Variants in CEP85L observed in about 807,000 individuals in gnomAD.
CEP85L encodes centrosomal protein of 85 kDa-like.
In CEP85L, 60 loss-of-function variants were observed where a neutral mutation model predicts 100.3. The observed-to-expected ratio is 0.60, with a 90% CI of 0.49 to 0.74. The LOEUF (loss-of-function observed/expected upper bound fraction) is 0.74, where lower values mean the gene tolerates loss of function less well. Among genes scored for constraint, CEP85L ranks in the 30% least tolerant of loss-of-function variants. The pLI is 0.00. For missense variants in CEP85L, 973 were observed against 936.2 expected, an observed-to-expected ratio of 1.04 and a Z score of -0.51; for synonymous variants, 319 against 322.7, an observed-to-expected ratio of 0.99 and a Z score of 0.12.
intron 2 of CEP85L, among the ~76,000 whole-genome samples, chr6:118,567,239 GTGTGTGTGTGTATATATATATATA>G (rs1316182421): frequency 0.13 from 6,903 of 52,940 alleles, 160 homozygotes; most frequent in East Asian, 0.24. Flanking sequence ...GTGTGTGTGT[GTGTGTGTGTGTATATATATATATA>G]TATATATATA....
rs1394061651 is a variant in CEP85L at position 118,567,243 on chromosome 6, GTGTGTGTATATATATATATATATA to G, written c.233-951_233-928del. Among the ~76,000 whole-genome samples the G allele has an allele frequency of 2.9e-4, 9 of 31,364 alleles. No homozygotes were observed. In the South Asian group the frequency reaches 5.4e-3, roughly 19 times the overall value. 20.6% of individuals were successfully genotyped at this position (31,364 alleles called of 152,430 possible). A position where few individuals can be genotyped will look rare whatever the true frequency, so the allele number is the denominator to read the frequency against. On this transcript the variant is annotated intron_variant, in intron 2 of 12. Transcript: ENST00000368491. Reference sequence around the variant, plus strand: ...TGTGTGTGTGTGTGTGTGTGTGTGTGTGTGTGTATATATATATATATATATATATATATATATATATATATCCAT... The same window carrying G: ...TGTGTGTGTGTGTGTGTGTGTGTGTGTATATATATATATATATATATCCAT...
At chr6:118,506,912 CT>C (rs770982977) in intron 5 of CEP85L, among the ~76,000 whole-genome samples, 72 of 152,264 alleles carry the variant, frequency 4.7e-4, no homozygotes, top group Non-Finnish European at 6.6e-4. Flanking sequence ...CCTCAGGCTC[CT>C]TCACAAGTTG....
intron 4 of CEP85L, among the ~76,000 whole-genome samples, chr6:118,513,470 T>C (rs1418902126): frequency 6.6e-6 from 1 of 151,864 alleles, no homozygotes; most frequent in African/African-American, 2.4e-5. Context: ...AAAAGATAAA[T>C]CCATTCAAGG....
At chr6:118,541,837 CAG>C (rs71733590) in intron 3 of CEP85L, among the ~76,000 whole-genome samples, 25,056 of 152,084 alleles carry the variant, frequency 0.16, 2,192 homozygotes, top group Non-Finnish European at 0.19. Context: ...TTTACTAATT[CAG>C]AGTTTAATTC....
At chr6:118,544,327 G>A (rs1008193622) in intron 3 of CEP85L, among the ~76,000 whole-genome samples, 47 of 152,148 alleles carry the variant, frequency 3.1e-4, no homozygotes, top group African/African-American at 1.1e-3. Context: ...GGTTCTGTCC[G>A]TTTCCTTTGT....
chr6:118,565,477 T>G lies in CEP85L; in HGVS notation c.1020+52A>C, dbSNP rs769149322. On this transcript the variant is annotated intron_variant, in intron 3 of 12. Transcript: ENST00000368491. ...TATATGCTTACTGTAAGTGTGCTAC[T>G]GTACTCATAACATCCACTGGAGGGA... The G allele has an allele frequency of 2.0e-6, 3 of 1,517,934 alleles. No individual in the cohort carries two copies. The Admixed American group carries it at 5.1e-5, about 26-fold the overall frequency. 94.0% of individuals were successfully genotyped at this position (1,517,934 alleles called of 1,614,324 possible).
At chr6:118,508,071 G>A (rs1349132586) in intron 5 of CEP85L, among the ~76,000 whole-genome samples, 1 of 152,046 alleles carries the variant, frequency 6.6e-6, no homozygotes, top group Non-Finnish European at 1.5e-5. Context: ...CTCTCTGTAG[G>A]GTTTAAGTTC....
At chr6:118,504,461 C>T (rs1200354905) in intron 5 of CEP85L, among the ~76,000 whole-genome samples, 1 of 152,086 alleles carries the variant, frequency 6.6e-6, no homozygotes, top group East Asian at 1.9e-4. Context: ...AACTTCTAGA[C>T]AGCTGAATAT....
intron 12 of CEP85L, among the ~76,000 whole-genome samples, chr6:118,465,998 AATAC>A (rs774850380): frequency 4.6e-4 from 70 of 152,256 alleles, no homozygotes; most frequent in Non-Finnish European, 7.9e-4. Context: ...TTAATTTTCA[AATAC>A]ATAGTAAGTG....
At chr6:118,641,011 G>C (rs945439989) in intron 1 of CEP85L, among the ~76,000 whole-genome samples, 4 of 152,114 alleles carry the variant, frequency 2.6e-5, no homozygotes, top group African/African-American at 9.7e-5. Context: ...TTTCTGTACT[G>C]AGTCAACATT....
intron 2 of CEP85L, among the ~76,000 whole-genome samples, chr6:118,624,953 A>C (rs1479949412): frequency 2.0e-5 from 3 of 152,248 alleles, no homozygotes; most frequent in African/African-American, 7.2e-5. Context: ...ATTCACAGGA[A>C]TGCAGGAGGC....
At chr6:118,636,045 GTCTCAACTAGCCAAT>G (rs1774472957) in intron 1 of CEP85L, among the ~76,000 whole-genome samples, 1 of 152,138 alleles carries the variant, frequency 6.6e-6, no homozygotes. Context: ...CTCAATCTCC[GTCTCAACTAGCCAAT>G]TCTGCCACTG....
At chr6:118,669,445 C>T (rs1391080679) in intron 1 of CEP85L, among the ~76,000 whole-genome samples, 2 of 151,960 alleles carry the variant, frequency 1.3e-5, no homozygotes, top group African/African-American at 4.8e-5. Flanking sequence ...TACCCACCCC[C>T]TTGCCCTTCC....
rs1781670938 is a variant in CEP85L at position 118,600,297 on chromosome 6, GGGGGTGTGTGTGTGT to G, written c.232+32141_232+32155del. On this transcript the variant is annotated intron_variant, in intron 2 of 12. Coordinates refer to ENST00000368491, the MANE Select transcript of CEP85L (RefSeq NM_001042475.3). ...GTACTGCCTGTCCCTGAGCCTTCCTGGGGGTGTGTGTGTGTGTGTGTGTGTGTGTGTGTGTGTGTG... is the reference window on the plus strand; with the variant it reads ...GTACTGCCTGTCCCTGAGCCTTCCTGGTGTGTGTGTGTGTGTGTGTGTGTG... 2.0e-4 allele frequency among the ~76,000 whole-genome samples: 12 copies of G among 61,296 alleles called. 1 individual carries two copies. The highest frequency in any genetic ancestry group is 7.2e-4 in the African/African-American group (11 of 15,270). 40.2% of individuals were successfully genotyped at this position (61,296 alleles called of 152,430 possible).
At chr6:118,611,531 G>A (rs1372778517) in intron 2 of CEP85L, among the ~76,000 whole-genome samples, 2 of 152,078 alleles carry the variant, frequency 1.3e-5, no homozygotes, top group Non-Finnish European at 2.9e-5. Flanking sequence ...AAATGTAAAT[G>A]GTCTAAATAT....
chr6:118,547,936 CTG>C (rs1375027178), intron 3 of CEP85L, among the ~76,000 whole-genome samples: 1 of 151,928 alleles, frequency 6.6e-6, no homozygotes, highest in Non-Finnish European at 1.5e-5. Flanking sequence ...TTGCTTATAC[CTG>C]TGTTTATTTT....
At chr6:118,646,114 G>T (rs1199409278) in intron 1 of CEP85L, among the ~76,000 whole-genome samples, 1 of 152,240 alleles carries the variant, frequency 6.6e-6, no homozygotes, top group Admixed American at 6.5e-5. Context: ...CTACTCGGGA[G>T]GCTGAGGCAG....
At chr6:118,612,644 G>C (rs1772708875) in intron 2 of CEP85L, among the ~76,000 whole-genome samples, 1 of 111,090 alleles carries the variant, frequency 9.0e-6, no homozygotes, top group South Asian at 3.5e-4. Flanking sequence ...CTGGGCGACA[G>C]AGTGAGACTC....
At chr6:118,606,866 C>T (rs768833063) in intron 2 of CEP85L, among the ~76,000 whole-genome samples, 2 of 152,062 alleles carry the variant, frequency 1.3e-5, no homozygotes, top group Non-Finnish European at 2.9e-5. Context: ...CAAAACTTTA[C>T]AGAGGAGATA....
Sources: allele counts gnomAD v4.1 joint callset (sites outside exome capture counted in the v4.1 genomes callset), GRCh38; gene constraint gnomAD v4.1.1; transcripts MANE v1.5; gene names NCBI Gene and HGNC (gene_info 2026-07-23, HGNC 2026-07-21).